NTN4: variants seen among roughly 807,000 people sequenced by gnomAD.
NTN4 encodes netrin-4.
Under a neutral mutation model 73.6 loss-of-function variants are expected in NTN4, and 32 were observed. That is an observed-to-expected ratio of 0.44 (90% CI 0.33 to 0.58). The LOEUF (loss-of-function observed/expected upper bound fraction) is 0.58, where lower values mean the gene tolerates loss of function less well. Among genes scored for constraint, NTN4 ranks in the 20% least tolerant of loss-of-function variants. The pLI, the probability that NTN4 is intolerant of heterozygous loss-of-function variation, is 0.04. For missense variants in NTN4, 654 were observed against 798.3 expected (o/e 0.82, Z 2.18); for synonymous variants, 258 against 287.5 (o/e 0.90, Z 1.04).
At chr12:95,756,830 G>A (rs2078950617) in intron 2 of NTN4, among the ~76,000 whole-genome samples, 1 of 151,520 alleles carries the variant, frequency 6.6e-6, no homozygotes, top group Non-Finnish European at 1.5e-5. Flanking sequence ...CTGCCCAGCT[G>A]TTGCCCATGC....
chr12:95,769,576 A>C (rs2079042380), intron 2 of NTN4, among the ~76,000 whole-genome samples: 1 of 147,770 alleles, frequency 6.8e-6, no homozygotes, highest in South Asian at 2.1e-4. Context: ...AAAGGAAATG[A>C]TGTTCAGAAA....
Position 95,789,058 on chromosome 12 carries a change from G to GA in NTN4, c.55+1196dup, listed in dbSNP as rs2079189183. On this transcript the variant is annotated intron_variant, in intron 1 of 9. Coordinates refer to ENST00000343702, the MANE Select transcript of NTN4 (RefSeq NM_021229.4). This position sits in a 1 kb window ranked among gnomAD's most constrained non-coding sequence, Gnocchi z 4.0. ...TCTTAGGCCTTTAATAGGTCCCTGG[G>GA]AAAAATATCCAATAATTTTAAATGC... Among the ~76,000 whole-genome samples, 1 of 152,076 alleles carries GA rather than the reference G, an allele frequency of 6.6e-6. No individual in the cohort carries two copies. The highest frequency in any genetic ancestry group is 1.5e-5 in the Non-Finnish European group (1 of 68,006).
At chr12:95,736,542 G>A (rs1231605232) in intron 3 of NTN4, among the ~76,000 whole-genome samples, 2 of 152,126 alleles carry the variant, frequency 1.3e-5, no homozygotes, top group African/African-American at 4.8e-5. Flanking sequence ...TCACAGTCTG[G>A]TAGGTTGACA....
intron 2 of NTN4, among the ~76,000 whole-genome samples, chr12:95,771,796 T>C (rs990305869): frequency 1.3e-5 from 2 of 152,086 alleles, no homozygotes; most frequent in East Asian, 1.9e-4. Flanking sequence ...TCCTTCAATA[T>C]AGCATGCCAA....
At chr12:95,753,915 T>C (rs1194859110) in intron 2 of NTN4, among the ~76,000 whole-genome samples, 1 of 152,138 alleles carries the variant, frequency 6.6e-6, no homozygotes, top group Non-Finnish European at 1.5e-5. Context: ...TTCTGTCTAG[T>C]CATACTCCTA....
rs181494523 is a variant in NTN4, at chr12:95,663,795, G to C, written c.1750+2015C>G. Among the ~76,000 whole-genome samples, 258 of 152,250 alleles carry C rather than the reference G, an allele frequency of 1.7e-3. 2 individuals are homozygous for C. Among genetic ancestry groups the C allele is most frequent in the Middle Eastern group, 6.8e-3 (2 of 294 alleles). On this transcript the variant is annotated intron_variant, in intron 9 of 9. Coordinates refer to ENST00000343702, the MANE Select transcript of NTN4 (RefSeq NM_021229.4). ...TGAACTCAGTTGATTCTTTGACTTGGCTTGGCAGAAACCTGATTAGGAAGT... is the reference window on the plus strand; with the variant it reads ...TGAACTCAGTTGATTCTTTGACTTGCCTTGGCAGAAACCTGATTAGGAAGT...
At position 95,738,275 on chromosome 12, in the gene NTN4, G is replaced by A. The variant is rs755463446; in HGVS notation, c.586-131C>T. ...ACGATAAGATAACAAGAAGTTTTTAGACCTTGAGCACACCTGGGACAGAGC... is the reference window on the plus strand; with the variant it reads ...ACGATAAGATAACAAGAAGTTTTTAAACCTTGAGCACACCTGGGACAGAGC... On this transcript the variant is annotated intron_variant, in intron 2 of 9. Coordinates refer to ENST00000343702, the MANE Select transcript of NTN4 (RefSeq NM_021229.4). 15 of 850,836 alleles carry A rather than the reference G, an allele frequency of 1.8e-5. No homozygotes were observed. The East Asian group carries it at 3.8e-4, about 22-fold the overall frequency. 52.7% of individuals were successfully genotyped at this position (850,836 alleles called of 1,614,324 possible). A position where few individuals can be genotyped will look rare whatever the true frequency, so the allele number is the denominator to read the frequency against.
At chr12:95,709,776 G>A (rs924751453) in intron 5 of NTN4, among the ~76,000 whole-genome samples, 14 of 152,114 alleles carry the variant, frequency 9.2e-5, no homozygotes, top group Middle Eastern at 3.4e-3. Context: ...CAAACGATCC[G>A]CCTGCCTTGG....
At chr12:95,659,292 G>A (rs1211169084) in intron 9 of NTN4, 70 bp from the exon 10 acceptor site, 1 of 1,251,886 alleles carries the variant, frequency 8.0e-7, no homozygotes, top group East Asian at 2.4e-5. Context: ...GACTCCAGCA[G>A]GTTTTCTTTT....
At chr12:95,697,938 AC>A (rs1222016118) in intron 5 of NTN4, among the ~76,000 whole-genome samples, 1 of 152,208 alleles carries the variant, frequency 6.6e-6, no homozygotes, top group Admixed American at 6.5e-5. Flanking sequence ...TTGAGGAGAA[AC>A]CCAGTAAAAA....
chr12:95,733,217 T>C (rs2078751372), intron 3 of NTN4, among the ~76,000 whole-genome samples: 1 of 152,238 alleles, frequency 6.6e-6, no homozygotes, highest in African/African-American at 2.4e-5. Flanking sequence ...AATCACCAGC[T>C]GCTAGGAAAA....
chr12:95,787,123 A>C lies in NTN4; in HGVS notation c.401T>G (p.Phe134Cys). 6.2e-7 allele frequency: 1 copy of C among 1,614,224 alleles called. No individual in the cohort carries two copies. Among genetic ancestry groups the C allele is most frequent in the Non-Finnish European group, 8.5e-7 (1 of 1,180,044 alleles). ...EFYFTHLIVMFKSPRPAAMVL... is the reference protein window; with the variant it reads ...EFYFTHLIVMCKSPRPAAMVL... ...CATGGCAGCCGGCCTGGGGGACTTG[A>C]ACATCACAATTAGGTGAGTGAAGTA... Residue 134 changes from phenylalanine to cysteine, a missense_variant, in exon 2 of 10, where the codon TTC becomes TGC. By Grantham distance (205) the Phe-to-Cys change is radical. Transcript: ENST00000343702.
chr12:95,691,369 G>A (rs991117012), intron 5 of NTN4, among the ~76,000 whole-genome samples: 1 of 152,206 alleles, frequency 6.6e-6, no homozygotes, highest in Non-Finnish European at 1.5e-5. Flanking sequence ...AGTGACAGAA[G>A]TTCTTAACTT....
At chr12:95,710,289 G>A in intron 5 of NTN4, 152 bp downstream of exon 5, 2 of 564,346 alleles carry the variant, frequency 3.5e-6, no homozygotes, top group Non-Finnish European at 6.1e-6. Flanking sequence ...GAAAATTCTT[G>A]CCTCTTATCA....
At chr12:95,692,413 G>A (rs939985505) in intron 5 of NTN4, among the ~76,000 whole-genome samples, 2 of 152,204 alleles carry the variant, frequency 1.3e-5, no homozygotes, top group Non-Finnish European at 2.9e-5. Context: ...AGATGAGGTA[G>A]AGGAAATGAG....
intron 2 of NTN4, among the ~76,000 whole-genome samples, chr12:95,769,647 C>T (rs1237748634): frequency 6.6e-6 from 1 of 150,840 alleles, no homozygotes; most frequent in Non-Finnish European, 1.5e-5. Context: ...TATTTGAACA[C>T]AGTTTGAACA....
At chr12:95,689,629 A>G (rs1404199765) in intron 5 of NTN4, among the ~76,000 whole-genome samples, 1 of 152,168 alleles carries the variant, frequency 6.6e-6, no homozygotes, top group South Asian at 2.1e-4. Flanking sequence ...TTGACATACA[A>G]TGATATTCAG....
chr12:95,778,703 C>A (rs1279675786), intron 2 of NTN4, among the ~76,000 whole-genome samples: 1 of 152,038 alleles, frequency 6.6e-6, no homozygotes, highest in Non-Finnish European at 1.5e-5. Flanking sequence ...CAGGACCAGA[C>A]GGATTCACAG....
At chr12:95,719,941 T>C (rs2078634609) in intron 3 of NTN4, among the ~76,000 whole-genome samples, 1 of 152,142 alleles carries the variant, frequency 6.6e-6, no homozygotes, top group East Asian at 1.9e-4. Flanking sequence ...TTGTCTATAC[T>C]TGAACACTTG....
Sources: gnomAD v4.1 joint callset for allele counts (sites outside exome capture counted in the v4.1 genomes callset) on GRCh38, gnomAD v4.1.1 for gene constraint, Gnocchi (gnomAD v3.1) non-coding constraint, MANE v1.5 for transcripts, NCBI Gene and HGNC (gene_info 2026-07-23, HGNC 2026-07-21) for gene names.